CACNA1A: variants seen among roughly 807,000 people sequenced by gnomAD.
The protein encoded by CACNA1A is calcium voltage-gated channel subunit alpha1 A, also known as voltage-dependent P/Q-type calcium channel subunit alpha-1A.
Under a neutral mutation model 262.4 loss-of-function variants are expected in CACNA1A, and 57 were observed. The ratio of observed to expected loss-of-function variants is 0.22; its 90% CI spans 0.18 to 0.27. CACNA1A has a LOEUF of 0.27. Ranked by LOEUF, CACNA1A falls within the 10% of genes least tolerant of loss-of-function variation. The pLI, the probability that CACNA1A is intolerant of heterozygous loss-of-function variation, is 1.00. For synonymous variants in CACNA1A, 1,431 were observed against 1,419.3 expected (o/e 1.01, Z -0.18); for missense variants, 2,526 against 3,562.8 (o/e 0.71, Z 7.41).
At chr19:13,479,429 T>C (rs920520405) in intron 1 of CACNA1A, among the ~76,000 whole-genome samples, 1 of 152,120 alleles carries the variant, frequency 6.6e-6, no homozygotes, top group African/African-American at 2.4e-5. Context: ...GCAAAGGCCC[T>C]GAGGTAGGAC....
chr19:13,223,786 C>A (rs1293321197), intron 38 of CACNA1A, among the ~76,000 whole-genome samples: 2 of 152,190 alleles, frequency 1.3e-5, no homozygotes, highest in Non-Finnish European at 2.9e-5. Context: ...TCCTCAGTGG[C>A]GGCCTCCCCA....
intron 5 of CACNA1A, chr19:13,362,206 TTTTTA>T (rs1015502440): frequency 1.3e-5 from 2 of 152,086 alleles, no homozygotes; most frequent in African/African-American, 2.4e-5. Flanking sequence ...TTTTTAAATT[TTTTTA>T]TTTTGAGACA....
intron 29 of CACNA1A, among the ~76,000 whole-genome samples, chr19:13,254,048 C>T (rs538503503): frequency 9.9e-5 from 15 of 152,222 alleles, no homozygotes; most frequent in African/African-American, 3.4e-4. Context: ...CACTATTGAT[C>T]GTTTTTGAAG....
At chr19:13,335,028 G>A (rs2035278) in intron 7 of CACNA1A, among the ~76,000 whole-genome samples, 88,398 of 151,066 alleles carry the variant, frequency 0.59, 27,955 homozygotes, top group Admixed American at 0.72. Flanking sequence ...GCTAGACACC[G>A]TCTCAAAAAA....
In CACNA1A at chr19:13,231,830, G is replaced by T; in HGVS notation, c.5280C>A (p.Ile1760=). 1 of 1,613,780 alleles carries T rather than the reference G, an allele frequency of 6.2e-7. No homozygotes were observed. The highest frequency in any genetic ancestry group is 8.5e-7 in the Non-Finnish European group (1 of 1,179,728). ...RSATGEAWHN[I]MLSCLSGKPC... is the part of the protein sequence containing the mutation. The stretch of plus-strand genomic sequence containing the variant: ...GTTTCCCGCTGAGGCAGGAAAGCAT[G>T]ATGTTGTGCCAAGCTTCCCCGGTGG... Residue 1760 remains isoleucine, a synonymous_variant, in exon 35 of 47, where the codon ATC becomes ATA. Transcript: ENST00000360228.
intron 15 of CACNA1A, among the ~76,000 whole-genome samples, chr19:13,306,160 TC>T (rs2057898615): frequency 6.6e-6 from 1 of 151,586 alleles, no homozygotes; most frequent in Non-Finnish European, 1.5e-5. Flanking sequence ...AGAAACTACC[TC>T]CCCAGGAGAA....
Position 13,241,496 on chromosome 19 carries a change from G to T in CACNA1A, c.4950+3686C>A. 1 of 1,332,030 alleles carries T rather than the reference G, an allele frequency of 7.5e-7. No homozygotes were observed. Among genetic ancestry groups the T allele is most frequent in the Non-Finnish European group, 9.9e-7 (1 of 1,006,618 alleles). 82.5% of individuals were successfully genotyped at this position (1,332,030 alleles called of 1,614,324 possible). On this transcript the variant is annotated intron_variant, in intron 31 of 46. Transcript: ENST00000360228. The surrounding 1 kb of genome is among the most constrained non-coding windows in gnomAD (Gnocchi z 4.0). ...GTTCACAGTTAATGTAAGGCATTTA[G>T]ACTTCAGAAAGAAGTAAGACCAACC... is the stretch of plus-strand genomic sequence containing the variant.
At chr19:13,453,054 G>T in intron 2 of CACNA1A, 39 bp from the exon 3 acceptor site, 1 of 1,611,846 alleles carries the variant, frequency 6.2e-7, no homozygotes, top group Non-Finnish European at 8.5e-7. Flanking sequence ...TCTTGGGCTG[G>T]GCAGATGTTG....
At chr19:13,385,084 C>T (rs1168420356) in intron 3 of CACNA1A, among the ~76,000 whole-genome samples, 5 of 152,126 alleles carry the variant, frequency 3.3e-5, no homozygotes, top group African/African-American at 9.7e-5. Context: ...ATGAAAAATT[C>T]GCTTGTACCA....
rs749619216 is a variant in CACNA1A, at chr19:13,275,918, G to C, written c.3921C>G (p.Tyr1307Ter). Residue 1307 changes from tyrosine to a stop codon, truncating the protein, a stop_gained, in exon 24 of 47, where the codon TAC becomes TAG. Transcript: ENST00000360228. LOFTEE classifies it high-confidence loss of function. ...DLGLVLHQGA[Y>*]FRDLWNILDF... is the part of the protein sequence containing the mutation. Reference sequence around the variant, plus strand: ...CGAGAATATTCCAGAGGTCACGGAAGTAGGCACCCTGATGCAGGACGAGCC... The same window carrying C: ...CGAGAATATTCCAGAGGTCACGGAACTAGGCACCCTGATGCAGGACGAGCC... 6.2e-7 allele frequency: 1 copy of C among 1,613,880 alleles called. No individual in the cohort carries two copies. Among genetic ancestry groups the C allele is most frequent in the Non-Finnish European group, 8.5e-7 (1 of 1,179,784 alleles).
chr19:13,300,507 G>T, intron 18 of CACNA1A, 43 bp downstream of exon 18: 1 of 1,377,264 alleles, frequency 7.3e-7, no homozygotes, highest in Non-Finnish European at 1.0e-6. Flanking sequence ...TAGTGTGGAC[G>T]TTCAGGAGCC....
intron 3 of CACNA1A, among the ~76,000 whole-genome samples, chr19:13,372,157 A>G (rs1371584114): frequency 6.6e-6 from 1 of 151,062 alleles, no homozygotes; most frequent in Non-Finnish European, 1.5e-5. Context: ...GTGGCTCTTT[A>G]TTTTATTTTA....
At chr19:13,397,491 A>C (rs1416379882) in intron 3 of CACNA1A, among the ~76,000 whole-genome samples, 2 of 152,226 alleles carry the variant, frequency 1.3e-5, no homozygotes, top group Non-Finnish European at 1.5e-5. Context: ...GACACAGATC[A>C]AAATGTGAAG....
In CACNA1A at chr19:13,207,862, CTGCT is replaced by C; in HGVS notation, c.6968_6971del (p.Gln2323ArgfsTer284). The C allele has an allele frequency of 1.7e-5, 5 of 294,248 alleles. No homozygotes were observed. The highest frequency in any genetic ancestry group is 2.2e-5 in the Non-Finnish European group (5 of 230,068). 18.2% of individuals were successfully genotyped at this position (294,248 alleles called of 1,614,324 possible). ...CCCGGCCCGGCCTGGCCACCGCCTG[CTGCT>C]GCTGCTGCTGCTGCTGCTGCTGCTG... On this transcript the variant is annotated frameshift_variant, in exon 47 of 47. Coordinates refer to ENST00000360228, the MANE Select transcript of CACNA1A (RefSeq NM_001127222.2). LOFTEE classifies it low-confidence loss of function (END_TRUNC). The surrounding 1 kb of genome is among the most constrained non-coding windows in gnomAD (Gnocchi z 5.7).
chr19:13,275,755 C>T (rs2057131931), intron 24 of CACNA1A, 95 bp downstream of exon 24: 1 of 856,712 alleles, frequency 1.2e-6, no homozygotes, highest in Non-Finnish European at 1.9e-6. Flanking sequence ...ACACCCCATC[C>T]CTAGACCCTG....
Position 13,299,450 on chromosome 19 carries a change from C to T in CACNA1A, c.2280-97G>A. 2.4e-5 allele frequency: 23 copies of T among 952,802 alleles called. 1 individual carries two copies. The South Asian group carries it at 3.2e-4, about 13-fold the overall frequency. 59.0% of individuals were successfully genotyped at this position (952,802 alleles called of 1,614,324 possible). On this transcript the variant is annotated intron_variant, in intron 18 of 46. Coordinates refer to ENST00000360228, the MANE Select transcript of CACNA1A (RefSeq NM_001127222.2). ...CAACCCACATCTCAGCCTCCCACTC[C>T]TGCTCTCCACCCTCTACTCCCCACT... is the stretch of plus-strand genomic sequence containing the variant.
chr19:13,505,940 G>A lies in CACNA1A; in HGVS notation c.285C>T (p.Thr95=), dbSNP rs758206206. 9.9e-6 allele frequency: 16 copies of A among 1,612,900 alleles called. No individual in the cohort carries two copies. Among genetic ancestry groups the A allele is most frequent in the African/African-American group, 2.7e-5 (2 of 74,904 alleles). The part of the protein sequence containing the change: ...NVVRKYAKKI[T]EWPPFEYMIL... ...TTCGGGCAAAAGGATATGGCCATTC[G>A]GTGATCTTTTTGGCGTATTTTCTCA... Residue 95 remains threonine (T), a synonymous_variant, in exon 1 of 47, where the codon ACC becomes ACT. Coordinates refer to ENST00000360228, the MANE Select transcript of CACNA1A (RefSeq NM_001127222.2).
At chr19:13,437,754 G>T (rs1471072691) in intron 3 of CACNA1A, among the ~76,000 whole-genome samples, 3 of 150,830 alleles carry the variant, frequency 2.0e-5, no homozygotes, top group Non-Finnish European at 4.4e-5. Flanking sequence ...AAGAGTTAAG[G>T]TCTCCACATA....
At chr19:13,218,496 T>C (rs1368052842) in intron 38 of CACNA1A, among the ~76,000 whole-genome samples, 1 of 152,212 alleles carries the variant, frequency 6.6e-6, no homozygotes, top group Admixed American at 6.5e-5. Flanking sequence ...GCAACTCCAC[T>C]GGAGGCAGAC....
Sources: allele counts gnomAD v4.1 joint callset (sites outside exome capture counted in the v4.1 genomes callset), GRCh38; gene constraint gnomAD v4.1.1; non-coding constraint Gnocchi (gnomAD v3.1); transcripts MANE v1.5; gene names NCBI Gene and HGNC (gene_info 2026-07-23, HGNC 2026-07-21).